The following NAALADL2 variants were observed in gnomAD, a reference collection of about 807,000 sequenced individuals.
NAALADL2 encodes inactive N-acetylated-alpha-linked acidic dipeptidase-like protein 2.
A neutral mutation model predicts 87.2 loss-of-function variants in NAALADL2; 76 were observed. The observed-to-expected ratio is 0.87, with a 90% CI of 0.72 to 1.05. NAALADL2 has a LOEUF of 1.05. NAALADL2 is among the 50% of genes least tolerant of loss of function. The probability of loss-of-function intolerance (pLI) is 0.00; values close to 1 mark genes in which losing one functional copy is unlikely to be tolerated. For missense variants in NAALADL2, 1,089 were observed against 945.8 expected (o/e 1.15, Z -1.99); for synonymous variants, 354 against 331.0 (o/e 1.07, Z -0.75).
chr3:175,662,875 T>G lies in NAALADL2; in HGVS notation c.1896+35489T>G, dbSNP rs372430927. ...TCATGTGAATAAATTTTTAATGTGT[T>G]GTTGAATTCAATTTGCTAGTATTTT... On this transcript the variant is annotated intron_variant, in intron 11 of 13. Coordinates refer to ENST00000454872, the MANE Select transcript of NAALADL2 (RefSeq NM_207015.3). 1.1e-4 allele frequency among the ~76,000 whole-genome samples: 17 copies of G among 152,114 alleles called. 1 individual carries two copies. In the East Asian group the frequency reaches 2.7e-3, roughly 24 times the overall value.
intron 9 of NAALADL2, among the ~76,000 whole-genome samples, chr3:175,571,968 G>A (rs1449473902): frequency 1.3e-5 from 2 of 152,148 alleles, no homozygotes; most frequent in Non-Finnish European, 1.5e-5. Flanking sequence ...GGTTAAATTA[G>A]TGAGAGTGGG....
intron 1 of NAALADL2, among the ~76,000 whole-genome samples, chr3:175,024,712 T>C (rs1266994488): frequency 2.7e-5 from 4 of 146,300 alleles, no homozygotes; most frequent in Non-Finnish European, 6.2e-5. Context: ...GAGCAGTAAT[T>C]ATCTTATTTT....
At chr3:175,031,985 T>C (rs552232160) in intron 1 of NAALADL2, among the ~76,000 whole-genome samples, 19 of 152,174 alleles carry the variant, frequency 1.2e-4, no homozygotes, top group Non-Finnish European at 2.4e-4. Context: ...TATTAATGTG[T>C]TTAAGCTTCT....
chr3:175,755,496 C>T lies in NAALADL2; in HGVS notation c.2189+78C>T, dbSNP rs370681122. On this transcript the variant is annotated intron_variant, in intron 13 of 13. Coordinates refer to ENST00000454872, the MANE Select transcript of NAALADL2 (RefSeq NM_207015.3). ...GTTTAACTTTCAGAATACATACCTTCTATGAACATAACAGTAGTGTAAAAG... is the reference window on the plus strand; with the variant it reads ...GTTTAACTTTCAGAATACATACCTTTTATGAACATAACAGTAGTGTAAAAG... 41 of 1,061,598 alleles carry T rather than the reference C, an allele frequency of 3.9e-5. No homozygotes were observed. The African/African-American group carries it at 5.6e-4, about 14-fold the overall frequency. 65.8% of individuals were successfully genotyped at this position (1,061,598 alleles called of 1,614,324 possible).
chr3:175,000,592 A>G (rs992856607), intron 1 of NAALADL2, among the ~76,000 whole-genome samples: 1 of 152,096 alleles, frequency 6.6e-6, no homozygotes, highest in Non-Finnish European at 1.5e-5. Context: ...TCCATCACAC[A>G]TACTTTATTC....
intron 2 of NAALADL2, among the ~76,000 whole-genome samples, chr3:175,226,021 A>G (rs1345399771): frequency 6.6e-6 from 1 of 152,130 alleles, no homozygotes; most frequent in Non-Finnish European, 1.5e-5. Flanking sequence ...TCTTACTGTC[A>G]CGTGGAACAT....
chr3:174,871,411 T>A (rs1163224239), intron 1 of NAALADL2, among the ~76,000 whole-genome samples: 1 of 152,246 alleles, frequency 6.6e-6, no homozygotes, highest in Non-Finnish European at 1.5e-5. Flanking sequence ...GCTATTGATC[T>A]TCAGCATCTG....
intron 1 of NAALADL2, among the ~76,000 whole-genome samples, chr3:174,880,027 T>TATACCTGCTTTC (rs1729004725): frequency 6.6e-6 from 1 of 152,066 alleles, no homozygotes; most frequent in Non-Finnish European, 1.5e-5. Flanking sequence ...CCTTTGCTGT[T>TATACCTGCTTTC]TTACCCTGTT....
At chr3:174,668,993 A>C (rs1015529922) in intron 2 of NAALADL2, among the ~76,000 whole-genome samples, 1 of 152,160 alleles carries the variant, frequency 6.6e-6, no homozygotes, top group African/African-American at 2.4e-5. Flanking sequence ...AGGAATTGCC[A>C]CACTGACTTC....
intron 5 of NAALADL2, among the ~76,000 whole-genome samples, chr3:175,338,095 G>T (rs994135140): frequency 6.6e-6 from 1 of 152,112 alleles, no homozygotes. Flanking sequence ...TCAGGAGTGT[G>T]GTTCTGGTAT....
intron 4 of NAALADL2, among the ~76,000 whole-genome samples, chr3:175,271,770 G>A (rs1418594708): frequency 6.6e-6 from 1 of 152,184 alleles, no homozygotes; most frequent in Non-Finnish European, 1.5e-5. Flanking sequence ...ACTCCTGCCT[G>A]GGTGACAGAG....
intron 11 of NAALADL2, among the ~76,000 whole-genome samples, chr3:175,678,099 A>G (rs1259564685): frequency 6.6e-6 from 1 of 152,168 alleles, no homozygotes; most frequent in Non-Finnish European, 1.5e-5. Flanking sequence ...ATTAAGGTGT[A>G]TGTTCTCATG....
intron 1 of NAALADL2, among the ~76,000 whole-genome samples, chr3:174,534,359 C>G (rs1721524493): frequency 6.6e-6 from 1 of 152,100 alleles, no homozygotes; most frequent in African/African-American, 2.4e-5. Flanking sequence ...GTTTGGAATG[C>G]TATTTAAATT....
intron 2 of NAALADL2, among the ~76,000 whole-genome samples, chr3:174,610,436 C>T (rs1464669795): frequency 4.0e-5 from 6 of 151,674 alleles, no homozygotes; most frequent in African/African-American, 9.7e-5. Context: ...GGCTAATATC[C>T]AGAATCTACA....
chr3:175,326,000 C>G (rs1403287259), intron 5 of NAALADL2, among the ~76,000 whole-genome samples: 4 of 152,142 alleles, frequency 2.6e-5, no homozygotes, highest in Non-Finnish European at 5.9e-5. Flanking sequence ...TTCTGTTCTA[C>G]TTCTCTTTTA....
At chr3:175,613,100 G>T (rs1724862490) in intron 10 of NAALADL2, among the ~76,000 whole-genome samples, 1 of 152,092 alleles carries the variant, frequency 6.6e-6, no homozygotes, top group African/African-American at 2.4e-5. Context: ...CAGGACTTCA[G>T]ATGACTGGGT....
In NAALADL2 at chr3:174,873,180, A is replaced by G. The variant is rs369585460; in HGVS notation, c.43+13730A>G. Among the ~76,000 whole-genome samples the G allele has an allele frequency of 2.5e-4, 37 of 149,098 alleles. 1 individual carries two copies. The highest frequency in any genetic ancestry group is 8.7e-4 in the African/African-American group (34 of 38,914). ...TAGTTTTATGTAATGAATTAAACTA[A>G]AACTCACTCTCTCTGTCTGTCTCTC... On this transcript the variant is annotated intron_variant, in intron 1 of 13. Coordinates refer to ENST00000454872, the MANE Select transcript of NAALADL2 (RefSeq NM_207015.3).
intron 2 of NAALADL2, among the ~76,000 whole-genome samples, chr3:175,217,815 T>A (rs1580975712): frequency 6.6e-6 from 1 of 152,202 alleles, no homozygotes; most frequent in African/African-American, 2.4e-5. Flanking sequence ...TTAAATCATT[T>A]CCCTTGAAAA....
intron 5 of NAALADL2, among the ~76,000 whole-genome samples, chr3:175,399,321 A>C (rs1339478762): frequency 2.6e-5 from 4 of 152,108 alleles, no homozygotes; most frequent in African/African-American, 9.7e-5. Flanking sequence ...CTTAACCTGA[A>C]GCATGTAGAG....
Sources: gnomAD v4.1 joint callset for allele counts (sites outside exome capture counted in the v4.1 genomes callset) on GRCh38, gnomAD v4.1.1 for gene constraint, MANE v1.5 for transcripts, NCBI Gene and HGNC (gene_info 2026-07-23, HGNC 2026-07-21) for gene names.